Variants in PLN observed in about 807,000 individuals in gnomAD.
PLN encodes the protein phospholamban.
Under a neutral mutation model 3.9 loss-of-function variants are expected in PLN, and 1 was observed. The ratio of observed to expected loss-of-function variants is 0.26; its 90% CI spans 0.09 to 1.23. PLN has a LOEUF of 1.23. Among genes scored for constraint, PLN ranks in the 50% most tolerant of loss-of-function variants. The pLI is 0.48. For synonymous variants in PLN, 21 were observed against 20.5 expected (o/e 1.02, Z -0.07); for missense variants, 59 against 62.7 (o/e 0.94, Z 0.20).
Position 118,559,494 on chromosome 6 carries a change from C to G in PLN, c.*414C>G, listed in dbSNP as rs1303966064. ...TTACAATGTAAAAGCTTCTTTAATA[C>G]TAAGTATTTTTCAGGTCTTCACCAA... On this transcript the variant is annotated 3_prime_UTR_variant, in exon 2 of 2. Transcript: ENST00000357525. The G allele has an allele frequency of 9.1e-6, 2 of 220,506 alleles. No homozygotes were observed. The highest frequency in any genetic ancestry group is 4.7e-5 in the African/African-American group (2 of 42,354). 13.7% of individuals were successfully genotyped at this position (220,506 alleles called of 1,614,324 possible).
chr6:118,548,736 T>C (rs747544695), intron 1 of PLN, among the ~76,000 whole-genome samples: 2 of 152,096 alleles, frequency 1.3e-5, no homozygotes, highest in African/African-American at 2.4e-5. Flanking sequence ...TAGTAGTGGT[T>C]AATTTCTCCA....
At position 118,559,008 on chromosome 6, in the gene PLN, G is replaced by GT; in HGVS notation, c.87_88insT (p.Asn30Ter). On this transcript the variant is annotated frameshift_variant, in exon 2 of 2. Transcript: ENST00000357525. LOFTEE classifies it high-confidence loss of function. ...CTCAACAAGCACGTCAAAAGCTACA[G>GT]AATCTATTTATCAATTTCTGTCTCA... 1 of 1,610,204 alleles carries GT rather than the reference G, an allele frequency of 6.2e-7. No individual in the cohort carries two copies. The highest frequency in any genetic ancestry group is 8.5e-7 in the Non-Finnish European group (1 of 1,176,448).
At position 118,560,023 on chromosome 6, in the gene PLN, C is replaced by T. The variant is rs1181394513; in HGVS notation, c.*943C>T. On this transcript the variant is annotated 3_prime_UTR_variant, in exon 2 of 2. Coordinates refer to ENST00000357525, the MANE Select transcript of PLN (RefSeq NM_002667.5). ...TTGTCTTCCATTCCAGCCTAACATC[C>T]AATGCAGGCAAGGAAAATAAAAGAT... 6.0e-6 allele frequency: 1 copy of T among 166,972 alleles called. No homozygotes were observed. The highest frequency in any genetic ancestry group is 1.5e-5 in the Non-Finnish European group (1 of 68,092). 10.3% of individuals were successfully genotyped at this position (166,972 alleles called of 1,614,324 possible).
chr6:118,551,220 T>C (rs1419187278), intron 1 of PLN, among the ~76,000 whole-genome samples: 6 of 151,734 alleles, frequency 4.0e-5, no homozygotes, highest in Non-Finnish European at 8.9e-5. Context: ...TGTTACCAAA[T>C]AAACACATGA....
intron 1 of PLN, among the ~76,000 whole-genome samples, chr6:118,554,203 G>A (rs755255128): frequency 2.4e-4 from 37 of 152,108 alleles, no homozygotes; most frequent in Non-Finnish European, 4.1e-4. Context: ...CAGGGAGATC[G>A]CTAGAGCCTG....
chr6:118,552,411 GCCA>G (rs1778602003), intron 1 of PLN, among the ~76,000 whole-genome samples: 1 of 152,038 alleles, frequency 6.6e-6, no homozygotes, highest in Middle Eastern at 3.4e-3. Flanking sequence ...CATAAAGCAG[GCCA>G]CCAAAAGTTT....
At chr6:118,552,090 A>G (rs560960939) in intron 1 of PLN, among the ~76,000 whole-genome samples, 10 of 152,166 alleles carry the variant, frequency 6.6e-5, no homozygotes, top group African/African-American at 2.4e-4. Flanking sequence ...CTTCTAAACC[A>G]ATTAGATGGA....
At position 118,559,648 on chromosome 6, in the gene PLN, T is replaced by C. The variant is rs554698802; in HGVS notation, c.*568T>C. On this transcript the variant is annotated 3_prime_UTR_variant, in exon 2 of 2. Coordinates refer to ENST00000357525, the MANE Select transcript of PLN (RefSeq NM_002667.5). ...AATCTACATTCTAAAACAGAAATTG[T>C]ATTTTTTCTATGCCACATTAACATC... 5.9e-6 allele frequency: 1 copy of C among 169,256 alleles called. No homozygotes were observed. Among genetic ancestry groups the C allele is most frequent in the East Asian group, 1.9e-4 (1 of 5,236 alleles). The allele number at this position is 169,256 out of a possible 1,614,324, so 10.5% of individuals were successfully genotyped here. A position where few individuals can be genotyped will look rare whatever the true frequency, so the allele number is the denominator to read the frequency against.
intron 1 of PLN, among the ~76,000 whole-genome samples, 193 bp from the exon 2 acceptor site, chr6:118,558,632 C>CACACACAA (rs1251779504): frequency 1.1e-5 from 1 of 89,392 alleles, no homozygotes; most frequent in Non-Finnish European, 2.4e-5. Flanking sequence ...CACATACACA[C>CACACACAA]ACACACACAC....
At chr6:118,551,369 G>A (rs1189270263) in intron 1 of PLN, among the ~76,000 whole-genome samples, 1 of 142,062 alleles carries the variant, frequency 7.0e-6, no homozygotes, top group Non-Finnish European at 1.6e-5. Flanking sequence ...CATTAATAGG[G>A]GGTATATTTA....
chr6:118,550,005 T>C (rs1778447993), intron 1 of PLN, among the ~76,000 whole-genome samples: 1 of 151,930 alleles, frequency 6.6e-6, no homozygotes, highest in Non-Finnish European at 1.5e-5. Context: ...TTAAGTATTA[T>C]CTTTGTTTAT....
intron 1 of PLN, among the ~76,000 whole-genome samples, chr6:118,556,952 C>A (rs776879649): frequency 2.0e-5 from 3 of 152,082 alleles, no homozygotes; most frequent in Non-Finnish European, 2.9e-5. Context: ...ATAGGCCCCA[C>A]AGGCAGCAAT....
intron 1 of PLN, among the ~76,000 whole-genome samples, chr6:118,553,066 T>C (rs1778643523): frequency 6.6e-6 from 1 of 152,120 alleles, no homozygotes; most frequent in East Asian, 1.9e-4. Context: ...GTTTAGGCCA[T>C]ATACAAGTTC....
In PLN at chr6:118,558,817, C is replaced by A; in HGVS notation, c.-97-8C>A. 1.3e-6 allele frequency: 1 copy of A among 783,066 alleles called. No homozygotes were observed. Among genetic ancestry groups the A allele is most frequent in the Non-Finnish European group, 2.3e-6 (1 of 441,468 alleles). 48.5% of individuals were successfully genotyped at this position (783,066 alleles called of 1,614,324 possible). A position where few individuals can be genotyped will look rare whatever the true frequency, so the allele number is the denominator to read the frequency against. On this transcript the variant is annotated splice_region_variant and splice_polypyrimidine_tract_variant and intron_variant, in intron 1 of 1. Transcript: ENST00000357525. ...GATTCTAATCCATTTATTATTTTTACATTCCAGGCTACCTAAAAGAAGACA... is the reference window on the plus strand; with the variant it reads ...GATTCTAATCCATTTATTATTTTTAAATTCCAGGCTACCTAAAAGAAGACA...
intron 1 of PLN, among the ~76,000 whole-genome samples, chr6:118,556,051 C>T (rs62422177): frequency 2.0e-5 from 3 of 152,136 alleles, no homozygotes; most frequent in Non-Finnish European, 4.4e-5. Context: ...CAGTCTGTCA[C>T]TGATGAGCAC....
rs766452369 is a variant in PLN at position 118,559,072 on chromosome 6, C to T, written c.151C>T (p.Leu51Phe). The T allele has an allele frequency of 1.2e-6, 2 of 1,610,664 alleles. No individual in the cohort carries two copies. The highest frequency in any genetic ancestry group is 1.7e-4 in the Middle Eastern group (1 of 6,054). ...CLLLICIIVM[L>F]L ...CTTGCTGATCTGTATCATCGTGATGCTTCTCTGAAGTTCTGCTACAACCTC... is the reference window on the plus strand; with the variant it reads ...CTTGCTGATCTGTATCATCGTGATGTTTCTCTGAAGTTCTGCTACAACCTC... Residue 51 changes from leucine to phenylalanine, a missense_variant, in exon 2 of 2, where the codon CTT becomes TTT. By Grantham distance (22) the Leu-to-Phe change is conservative. Transcript: ENST00000357525.
intron 1 of PLN, among the ~76,000 whole-genome samples, chr6:118,557,469 T>C (rs1172313397): frequency 6.6e-6 from 1 of 152,242 alleles, no homozygotes; most frequent in Non-Finnish European, 1.5e-5. Context: ...TTTAAGTATG[T>C]GTGGGGCTTG....
At chr6:118,552,649 T>A (rs553381557) in intron 1 of PLN, among the ~76,000 whole-genome samples, 1 of 151,992 alleles carries the variant, frequency 6.6e-6, no homozygotes, top group South Asian at 2.1e-4. Flanking sequence ...CAGAATACCA[T>A]CTTGAACTTG....
At chr6:118,558,654 C>CAG (rs1376671743) in intron 1 of PLN, among the ~76,000 whole-genome samples, 171 bp from the exon 2 acceptor site, 12 of 131,546 alleles carry the variant, frequency 9.1e-5, no homozygotes, top group Admixed American at 2.9e-4. Flanking sequence ...CACACACACA[C>CAG]ACACACAGAG....
Sources: allele counts gnomAD v4.1 joint callset (sites outside exome capture counted in the v4.1 genomes callset), GRCh38; gene constraint gnomAD v4.1.1; transcripts MANE v1.5; gene names NCBI Gene and HGNC (gene_info 2026-07-23, HGNC 2026-07-21).